CNTN5: variants seen among roughly 807,000 people sequenced by gnomAD.
The protein encoded by CNTN5 is contactin 5.
In CNTN5, 77 loss-of-function variants were observed where a neutral mutation model predicts 129.1. That is an observed-to-expected ratio of 0.60 (90% CI 0.50 to 0.72). The LOEUF (loss-of-function observed/expected upper bound fraction) is 0.72. CNTN5 is among the 30% of genes least tolerant of loss of function. The pLI, the probability that CNTN5 is intolerant of heterozygous loss-of-function variation, is 0.00. For synonymous variants in CNTN5, 509 were observed against 465.6 expected, an observed-to-expected ratio of 1.09 and a Z score of -1.20; for missense variants, 1,478 against 1,328.8, an observed-to-expected ratio of 1.11 and a Z score of -1.75.
intron 3 of CNTN5, among the ~76,000 whole-genome samples, chr11:99,658,243 G>A (rs1156946565): frequency 6.6e-6 from 1 of 152,048 alleles, no homozygotes; most frequent in Non-Finnish European, 1.5e-5. Flanking sequence ...TATGCAGGGT[G>A]TTTAGAGTAT....
At position 99,110,917 on chromosome 11, in the gene CNTN5, T is replaced by A. The variant is rs1857761269; in HGVS notation, c.-210+89647T>A. On this transcript the variant is annotated intron_variant, in intron 1 of 24. Transcript: ENST00000524871. ...TGACCAATATATAAAACTTTGTTTT[T>A]ATTTTTTCTTAAGCCACTGAGATTA... Among the ~76,000 whole-genome samples, 4 of 152,194 alleles carry A rather than the reference T, an allele frequency of 2.6e-5. No homozygotes were observed. In the South Asian group the frequency reaches 8.3e-4, roughly 31 times the overall value.
intron 2 of CNTN5, among the ~76,000 whole-genome samples, chr11:99,383,720 G>T (rs1940746823): frequency 6.6e-6 from 1 of 151,842 alleles, no homozygotes; most frequent in African/African-American, 2.4e-5. Context: ...AATTTTTAAA[G>T]TATGCTATTA....
At chr11:99,145,500 G>C (rs79378314) in intron 1 of CNTN5, among the ~76,000 whole-genome samples, 7,196 of 151,984 alleles carry the variant, frequency 0.047, 194 homozygotes, top group Middle Eastern at 0.065. Context: ...TTTTGAAGAC[G>C]ATTTTTCTTC....
At chr11:99,333,984 ACAC>A (rs1866113959) in intron 2 of CNTN5, among the ~76,000 whole-genome samples, 1 of 151,868 alleles carries the variant, frequency 6.6e-6, no homozygotes, top group African/African-American at 2.4e-5. Context: ...ACACACACAC[ACAC>A]ACACACACAC....
chr11:100,000,970 C>A (rs1489162897), intron 8 of CNTN5, among the ~76,000 whole-genome samples: 1 of 152,132 alleles, frequency 6.6e-6, no homozygotes, highest in Admixed American at 6.6e-5. Flanking sequence ...AGAAGTGGGG[C>A]CCCAGGCTGG....
intron 3 of CNTN5, among the ~76,000 whole-genome samples, chr11:99,791,691 G>A (rs1213939796): frequency 6.6e-6 from 1 of 152,142 alleles, no homozygotes; most frequent in Non-Finnish European, 1.5e-5. Context: ...CAGTGAATCT[G>A]TAGATTGCTT....
intron 4 of CNTN5, among the ~76,000 whole-genome samples, chr11:99,825,739 A>G (rs960992773): frequency 4.6e-5 from 7 of 152,076 alleles, no homozygotes; most frequent in African/African-American, 1.7e-4. Flanking sequence ...GTAGCGGGCA[A>G]GTTTATCAAT....
intron 2 of CNTN5, among the ~76,000 whole-genome samples, chr11:99,483,460 G>C (rs1945684274): frequency 6.6e-6 from 1 of 152,078 alleles, no homozygotes; most frequent in African/African-American, 2.4e-5. Flanking sequence ...TCCTATACCA[G>C]TTAAACTCCA....
chr11:100,059,603 C>T (rs913627713), intron 9 of CNTN5, among the ~76,000 whole-genome samples: 1 of 152,046 alleles, frequency 6.6e-6, no homozygotes, highest in African/African-American at 2.4e-5. Flanking sequence ...GATGTTCAAC[C>T]TCCTTAGGGT....
intron 18 of CNTN5, among the ~76,000 whole-genome samples, chr11:100,286,652 G>T (rs139659695): frequency 2.0e-5 from 3 of 148,510 alleles, no homozygotes; most frequent in South Asian, 2.1e-4. Flanking sequence ...CACAAAGATG[G>T]GGAAAAAACA....
At chr11:100,289,450 T>C (rs2138855125) in intron 18 of CNTN5, among the ~76,000 whole-genome samples, 2 of 150,986 alleles carry the variant, frequency 1.3e-5, no homozygotes, top group South Asian at 4.2e-4. Flanking sequence ...CAAGGCTGGT[T>C]CAATATACGC....
At chr11:99,780,213 T>C (rs1945265967) in intron 3 of CNTN5, among the ~76,000 whole-genome samples, 2 of 152,086 alleles carry the variant, frequency 1.3e-5, no homozygotes, top group South Asian at 2.1e-4. Context: ...GCCTTTTGCA[T>C]GCAGTCCTCT....
chr11:99,775,622 G>T (rs1278280552), intron 3 of CNTN5, among the ~76,000 whole-genome samples: 1 of 151,964 alleles, frequency 6.6e-6, no homozygotes. Flanking sequence ...CATATTTTAA[G>T]TTTTCTTCGG....
At chr11:99,872,519 A>G (rs1297813154) in intron 6 of CNTN5, among the ~76,000 whole-genome samples, 1 of 152,152 alleles carries the variant, frequency 6.6e-6, no homozygotes, top group African/African-American at 2.4e-5. Context: ...TATAAGTGAA[A>G]GAATTACAAT....
At chr11:99,475,911 C>T (rs1362062125) in intron 2 of CNTN5, among the ~76,000 whole-genome samples, 1 of 151,908 alleles carries the variant, frequency 6.6e-6, no homozygotes, top group African/African-American at 2.4e-5. Flanking sequence ...TGGAATCTCT[C>T]TCCCCTTCTT....
chr11:99,354,298 A>C (rs911545617), intron 2 of CNTN5, among the ~76,000 whole-genome samples: 1 of 152,214 alleles, frequency 6.6e-6, no homozygotes, highest in Non-Finnish European at 1.5e-5. Flanking sequence ...ATATAGTGAT[A>C]TGCTGCCAAT....
chr11:100,089,312 A>C (rs2137982013), intron 13 of CNTN5, among the ~76,000 whole-genome samples: 1 of 152,238 alleles, frequency 6.6e-6, no homozygotes, highest in African/African-American at 2.4e-5. Context: ...AAAAAAGCTC[A>C]ACATCACCGA....
At chr11:99,971,265 C>A (rs1219659409) in intron 8 of CNTN5, among the ~76,000 whole-genome samples, 1 of 152,130 alleles carries the variant, frequency 6.6e-6, no homozygotes, top group Non-Finnish European at 1.5e-5. Context: ...CTTTACAAGA[C>A]CGGGCATGGT....
At chr11:99,484,611 C>A (rs2466897) in intron 2 of CNTN5, among the ~76,000 whole-genome samples, 152,277 of 152,278 alleles carry the variant, frequency 1, 76,138 homozygotes, top group Non-Finnish European at 1. Context: ...CACAACAACC[C>A]ATTTATGTTC....
Sources: gnomAD v4.1 joint callset for allele counts (sites outside exome capture counted in the v4.1 genomes callset) on GRCh38, gnomAD v4.1.1 for gene constraint, MANE v1.5 for transcripts, NCBI Gene and HGNC (gene_info 2026-07-23, HGNC 2026-07-21) for gene names.